PRKACA: variants seen among roughly 807,000 people sequenced by gnomAD.
PRKACA encodes the protein protein kinase cAMP-activated catalytic subunit alpha.
In PRKACA, 9 loss-of-function variants were observed where a neutral mutation model predicts 45.8. That is an observed-to-expected ratio of 0.20 (90% CI 0.12 to 0.34). PRKACA has a LOEUF of 0.34. Ranked by LOEUF, PRKACA falls within the 10% of genes least tolerant of loss-of-function variation. The probability of loss-of-function intolerance (pLI) is 1.00; values close to 1 mark genes in which losing one functional copy is unlikely to be tolerated. For synonymous variants in PRKACA, 160 were observed against 178.6 expected (o/e 0.90, Z 0.83); for missense variants, 238 against 458.6 (o/e 0.52, Z 4.39).
At position 14,097,915 on chromosome 19, in the gene PRKACA, A is replaced by T; in HGVS notation, c.420-25T>A. On this transcript the variant is annotated intron_variant, in intron 5 of 9. Transcript: ENST00000308677. The surrounding 1 kb of genome is among the most constrained non-coding windows in gnomAD (Gnocchi z 5.4). The stretch of plus-strand genomic sequence containing the variant: ...ACTGATGGGGACAAATGGGGAGGTG[A>T]ACGTCAGTGGTCATGCCCCAAAATG... The T allele has an allele frequency of 3.1e-6, 5 of 1,613,608 alleles. No homozygotes were observed. Among genetic ancestry groups the T allele is most frequent in the Non-Finnish European group, 3.4e-6 (4 of 1,179,708 alleles).
intron 1 of PRKACA, among the ~76,000 whole-genome samples, chr19:14,109,819 TC>T: frequency 6.8e-6 from 1 of 146,936 alleles, no homozygotes; most frequent in Non-Finnish European, 1.5e-5. Context: ...ATGCCTGTAA[TC>T]CCAGCTATTT....
At chr19:14,103,448 C>T (rs1977503536) in intron 3 of PRKACA, among the ~76,000 whole-genome samples, 1 of 152,180 alleles carries the variant, frequency 6.6e-6, no homozygotes, top group East Asian at 1.9e-4. Flanking sequence ...AGGCACCTGG[C>T]ACCCAGTCTC....
chr19:14,098,501 T>A (rs1977337524), intron 5 of PRKACA: 1 of 150,678 alleles, frequency 6.6e-6, no homozygotes, highest in Non-Finnish European at 1.5e-5. Context: ...TTTTTTTGAT[T>A]AATTTATTTT....
chr19:14,099,361 A>C (rs544538047), intron 5 of PRKACA, among the ~76,000 whole-genome samples: 7 of 152,278 alleles, frequency 4.6e-5, no homozygotes, highest in South Asian at 2.1e-4. Context: ...ATAAGTTAAA[A>C]ATTTTTTTTT....
chr19:14,094,199 AAAAAAAAAAAAAAT>A (rs1175615611), intron 8 of PRKACA, among the ~76,000 whole-genome samples: 1 of 150,036 alleles, frequency 6.7e-6, no homozygotes. Flanking sequence ...AAAAAAAAAA[AAAAAAAAAAAAAAT>A]AGCCTCACTC....
chr19:14,097,662 C>T lies in PRKACA; in HGVS notation c.559G>A (p.Gly187Ser), dbSNP rs1354690571. The T allele has an allele frequency of 6.2e-7, 1 of 1,608,820 alleles. No homozygotes were observed. The highest frequency in any genetic ancestry group is 1.3e-5 in the African/African-American group (1 of 74,780). ...CGGCCCTTCACGCGCTTGGCGAAAC[C>T]GAAGTCTGTCACCTGTGGGCACAAG... is the stretch of plus-strand genomic sequence containing the variant. ...QQGYIQVTDFGFAKRVKGRTW... is the reference protein window; with the variant it reads ...QQGYIQVTDFSFAKRVKGRTW... The change falls in exon 7 of 10, where the codon GGT (glycine) becomes AGT (serine). Residue 187 changes from glycine (G) to serine (S), a missense_variant. Around this residue, in one of 3 missense-constraint regions of PRKACA, gnomAD observed 94 missense variants for 240.9 expected, o/e 0.39. Coordinates refer to ENST00000308677, the MANE Select transcript of PRKACA (RefSeq NM_002730.4). The surrounding 1 kb of genome is among the most constrained non-coding windows in gnomAD (Gnocchi z 5.4).
chr19:14,092,707 G>T lies in PRKACA; in HGVS notation c.*405C>A. ...TAGCAAGTGGGGCCTGTGGTTGGGT[G>T]GGATGGGGGTGTGGGTGGGGGCTGG... is the stretch of plus-strand genomic sequence containing the variant. On this transcript the variant is annotated 3_prime_UTR_variant, in exon 10 of 10. Transcript: ENST00000308677. The T allele has an allele frequency of 2.5e-6, 1 of 402,208 alleles. No homozygotes were observed. The highest frequency in any genetic ancestry group is 4.4e-6 in the Non-Finnish European group (1 of 227,962). The allele number at this position is 402,208 out of a possible 1,614,324, so 24.9% of individuals were successfully genotyped here.
intron 3 of PRKACA, 127 bp downstream of exon 3, chr19:14,106,633 G>T: frequency 7.5e-7 from 1 of 1,335,244 alleles, no homozygotes; most frequent in Non-Finnish European, 1.0e-6. Context: ...CAGCCTGAGC[G>T]ACAGAGCGAG....
intron 1 of PRKACA, among the ~76,000 whole-genome samples, chr19:14,113,701 C>T (rs949567051): frequency 3.3e-5 from 5 of 152,144 alleles, no homozygotes; most frequent in Non-Finnish European, 7.4e-5. Context: ...GCTGGGCCCC[C>T]TACTCGAGGC....
At chr19:14,108,548 C>T (rs879786190) in intron 1 of PRKACA, among the ~76,000 whole-genome samples, 51 of 151,832 alleles carry the variant, frequency 3.4e-4, no homozygotes, top group African/African-American at 1.2e-3. Context: ...GCTGGGACTA[C>T]AGACGCCTGC....
Position 14,091,893 on chromosome 19 carries a change from C to T in PRKACA, c.*1219G>A, listed in dbSNP as rs1199906770. ...ATACGGGGATGAATGGGGTGGCTCC[C>T]CAGCGGCTCCCCACTTTTCTATTAC... On this transcript the variant is annotated 3_prime_UTR_variant, in exon 10 of 10. Coordinates refer to ENST00000308677, the MANE Select transcript of PRKACA (RefSeq NM_002730.4). The T allele has an allele frequency of 6.6e-6, 1 of 152,280 alleles. No individual in the cohort carries two copies. The allele number at this position is 152,280 out of a possible 1,614,324, so 9.4% of individuals were successfully genotyped here. A position where few individuals can be genotyped will look rare whatever the true frequency, so the allele number is the denominator to read the frequency against.
At chr19:14,108,071 G>A in intron 1 of PRKACA, 2 of 985,556 alleles carry the variant, frequency 2.0e-6, no homozygotes, top group Non-Finnish European at 2.4e-6. Flanking sequence ...TCGGCAACCT[G>A]CCTTGTATCC....
At position 14,097,152 on chromosome 19, in the gene PRKACA, G is replaced by T; in HGVS notation, c.765+209C>A. 5 of 687,862 alleles carry T rather than the reference G, an allele frequency of 7.3e-6. No homozygotes were observed. Among genetic ancestry groups the T allele is most frequent in the Non-Finnish European group, 1.2e-5 (5 of 418,370 alleles). 42.6% of individuals were successfully genotyped at this position (687,862 alleles called of 1,614,324 possible). Reference sequence around the variant, plus strand: ...GGCTCGGGATTTTGGAAGCCCATGGGATTCTGGAACCGCGGGGTTGGGGCT... The same window carrying T: ...GGCTCGGGATTTTGGAAGCCCATGGTATTCTGGAACCGCGGGGTTGGGGCT... On this transcript the variant is annotated intron_variant, in intron 8 of 9. Transcript: ENST00000308677. The surrounding 1 kb of genome is among the most constrained non-coding windows in gnomAD (Gnocchi z 5.4).
At chr19:14,104,573 G>A (rs558848117) in intron 3 of PRKACA, among the ~76,000 whole-genome samples, 1 of 151,494 alleles carries the variant, frequency 6.6e-6, no homozygotes, top group Non-Finnish European at 1.5e-5. Flanking sequence ...GTGGGCGCCT[G>A]TAGTCCCAGC....
intron 5 of PRKACA, among the ~76,000 whole-genome samples, chr19:14,099,996 A>T (rs1448713843): frequency 6.6e-6 from 1 of 151,696 alleles, no homozygotes; most frequent in Non-Finnish European, 1.5e-5. Context: ...GCCCGCCATC[A>T]CACCCGGCTA....
chr19:14,114,162 G>A (rs1453418841), intron 1 of PRKACA: 2 of 1,611,348 alleles, frequency 1.2e-6, no homozygotes, highest in Non-Finnish European at 1.7e-6. Context: ...CCATCACTCA[G>A]TCCTGTTCTC....
chr19:14,100,754 A>AG, intron 5 of PRKACA, 72 bp downstream of exon 5: 1 of 1,474,506 alleles, frequency 6.8e-7, no homozygotes, highest in Non-Finnish European at 9.5e-7. Flanking sequence ...CTGCATTCCC[A>AG]GGGGGCTTGG....
rs1183005403 is a variant in PRKACA, at chr19:14,107,550, C to G, written c.47-141G>C. The stretch of plus-strand genomic sequence containing the variant: ...GACCTTTTTCTGGTGCCTCTGGGGC[C>G]TTGGCTGGGCCGTGGCCTGGGCCTC... On this transcript the variant is annotated intron_variant, in intron 1 of 9. Coordinates refer to ENST00000308677, the MANE Select transcript of PRKACA (RefSeq NM_002730.4). 2.3e-6 allele frequency: 3 copies of G among 1,312,896 alleles called. No homozygotes were observed. The East Asian group carries it at 7.1e-5, about 31-fold the overall frequency. 81.3% of individuals were successfully genotyped at this position (1,312,896 alleles called of 1,614,324 possible). A position where few individuals can be genotyped will look rare whatever the true frequency, so the allele number is the denominator to read the frequency against.
At position 14,114,163 on chromosome 19, in the gene PRKACA, T is replaced by C. The variant is rs1967053326; in HGVS notation, c.46+3339A>G. 6.2e-6 allele frequency: 10 copies of C among 1,611,214 alleles called. No homozygotes were observed. In the South Asian group the frequency reaches 8.8e-5, roughly 14 times the overall value. On this transcript the variant is annotated intron_variant, in intron 1 of 9. Coordinates refer to ENST00000308677, the MANE Select transcript of PRKACA (RefSeq NM_002730.4). Reference sequence around the variant, plus strand: ...GCTGGAGTTGGAAGCCATCACTCAGTCCTGTTCTCAGGGCACCGGCACTAC... The same window carrying C: ...GCTGGAGTTGGAAGCCATCACTCAGCCCTGTTCTCAGGGCACCGGCACTAC...
Sources: allele counts gnomAD v4.1 joint callset (sites outside exome capture counted in the v4.1 genomes callset), GRCh38; gene constraint gnomAD v4.1.1; regional missense constraint gnomAD v4.1.1; non-coding constraint Gnocchi (gnomAD v3.1); transcripts MANE v1.5; gene names NCBI Gene and HGNC (gene_info 2026-07-23, HGNC 2026-07-21).